CSMD2: variants seen among roughly 807,000 people sequenced by gnomAD.
The protein encoded by CSMD2 is CUB and Sushi multiple domains 2, also known as CUB and sushi domain-containing protein 2.
A neutral mutation model predicts 398.5 loss-of-function variants in CSMD2; 130 were observed. That is an observed-to-expected ratio of 0.33 (90% CI 0.28 to 0.38). The LOEUF is 0.38. CSMD2 is among the 10% of genes least tolerant of loss of function. The probability of loss-of-function intolerance (pLI) is 1.00; values close to 1 mark genes in which losing one functional copy is unlikely to be tolerated. For synonymous variants in CSMD2, 1,828 were observed against 1,908.5 expected (o/e 0.96, Z 1.10); for missense variants, 3,829 against 4,764.9 (o/e 0.80, Z 5.78).
At chr1:33,788,487 AAC>A (rs1653815332) in intron 12 of CSMD2, 111 bp downstream of exon 12, 3 of 638,046 alleles carry the variant, frequency 4.7e-6, no homozygotes, top group Non-Finnish European at 8.2e-6. Flanking sequence ...CAGCCTGGGC[AAC>A]AGAGTGAGAC....
chr1:34,142,016 AC>A (rs1639341040), intron 1 of CSMD2, among the ~76,000 whole-genome samples: 2 of 152,136 alleles, frequency 1.3e-5, no homozygotes, highest in South Asian at 4.1e-4. Flanking sequence ...TTGCACGGTG[AC>A]TGCTCTGATG....
intron 27 of CSMD2, among the ~76,000 whole-genome samples, chr1:33,653,341 CTG>C: frequency 6.6e-6 from 1 of 152,332 alleles, no homozygotes; most frequent in South Asian, 2.1e-4. Flanking sequence ...TGGGTACTGA[CTG>C]TGAGTTCCCG....
At position 33,569,453 on chromosome 1, in the gene CSMD2, G is replaced by A. The variant is rs769904635; in HGVS notation, c.8052C>T (p.Ser2684=). 8.7e-6 allele frequency: 14 copies of A among 1,614,034 alleles called. No homozygotes were observed. Among genetic ancestry groups the A allele is most frequent in the East Asian group, 4.5e-5 (2 of 44,900 alleles). The change falls in exon 52 of 71, where the codon TCC becomes TCT. Residue 2684 remains serine, a synonymous_variant. Transcript: ENST00000373381. ...CCCTGGAGCCCACCAGTGTGTATCC[G>A]GAATTGCAGGAGAAGATGGCTGTTG... ...YGATAIFSCN[S]GYTLVGSRVR...
intron 19 of CSMD2, 22 bp downstream of exon 19, chr1:33,724,175 T>C (rs1343443538): frequency 1.3e-6 from 2 of 1,554,756 alleles, no homozygotes; most frequent in Non-Finnish European, 1.8e-6. Context: ...TCCCAATGCC[T>C]GCTATGGGCT....
In CSMD2 at chr1:33,698,910, G is replaced by A. The variant is rs372875309; in HGVS notation, c.3768C>T (p.Thr1256=). 1 of 1,614,056 alleles carries A rather than the reference G, an allele frequency of 6.2e-7. No individual in the cohort carries two copies. Among genetic ancestry groups the A allele is most frequent in the African/African-American group, 1.3e-5 (1 of 75,040 alleles). The change falls in exon 24 of 71, where the codon ACC becomes ACT. Residue 1256 remains threonine, a synonymous_variant. Transcript: ENST00000373381. ...CATGAACCTTGTAGCCAAACTTGGG[G>A]GTTCCTGGGTCCTCACATTTGATGA... The part of the protein sequence containing the change: ...FELIKCEDPG[T]PKFGYKVHDE...
At chr1:33,783,279 T>C (rs1210527069) in intron 12 of CSMD2, among the ~76,000 whole-genome samples, 1 of 152,090 alleles carries the variant, frequency 6.6e-6, no homozygotes, top group Non-Finnish European at 1.5e-5. Flanking sequence ...CTCCCCCAAA[T>C]TCCTGTATTG....
In CSMD2 at chr1:34,117,960, T is replaced by C. The variant is rs371092468; in HGVS notation, c.188-28767A>G. Among the ~76,000 whole-genome samples the C allele has an allele frequency of 5.3e-5, 8 of 152,214 alleles. No homozygotes were observed. In the East Asian group the frequency reaches 1.2e-3, roughly 22 times the overall value. On this transcript the variant is annotated intron_variant, in intron 1 of 70. Coordinates refer to ENST00000373381, the MANE Select transcript of CSMD2 (RefSeq NM_001281956.2). ...GCGTGGTGGTGGCTCATGCCTGAAA[T>C]TCCAGCACTTTGGGAAGCTGAGGCA...
intron 19 of CSMD2, among the ~76,000 whole-genome samples, chr1:33,719,887 T>C (rs931179640): frequency 6.6e-6 from 1 of 152,170 alleles, no homozygotes; most frequent in Non-Finnish European, 1.5e-5. Flanking sequence ...GGCATTCCCT[T>C]TGCTCAACTC....
chr1:33,925,416 T>C (rs780842978), intron 4 of CSMD2, among the ~76,000 whole-genome samples: 3 of 152,222 alleles, frequency 2.0e-5, no homozygotes, highest in Non-Finnish European at 1.5e-5. Flanking sequence ...TCTGTTTTTA[T>C]ACTAATACCA....
At chr1:33,587,211 CT>C in intron 44 of CSMD2, 43 bp from the exon 45 acceptor site, 1 of 1,365,744 alleles carries the variant, frequency 7.3e-7, no homozygotes, top group South Asian at 1.3e-5. Flanking sequence ...GATCATCATT[CT>C]CCAGGTACAC....
At chr1:34,062,046 A>T (rs911557701) in intron 2 of CSMD2, among the ~76,000 whole-genome samples, 1 of 152,236 alleles carries the variant, frequency 6.6e-6, no homozygotes, top group South Asian at 2.1e-4. Context: ...CTAAGACCCC[A>T]ATGTCATGAG....
chr1:33,963,966 C>A lies in CSMD2; in HGVS notation c.518-28012G>T, dbSNP rs114143094. Among the ~76,000 whole-genome samples, 811 of 152,322 alleles carry A rather than the reference C, an allele frequency of 5.3e-3. 4 individuals are homozygous for A. Among genetic ancestry groups the A allele is most frequent in the African/African-American group, 0.018 (765 of 41,578 alleles). On this transcript the variant is annotated intron_variant, in intron 3 of 70. Coordinates refer to ENST00000373381, the MANE Select transcript of CSMD2 (RefSeq NM_001281956.2). ...TGTCAGATGGCAGATGTGTCTTTAA[C>A]TTTTCAAGAAACTGCCAAGCTGCCA...
intron 67 of CSMD2, among the ~76,000 whole-genome samples, chr1:33,522,350 C>A (rs892367776): frequency 6.6e-6 from 1 of 152,208 alleles, no homozygotes; most frequent in Non-Finnish European, 1.5e-5. Context: ...TCCTCATCTT[C>A]CCCTGGCCTG....
chr1:33,981,440 TAAC>T (rs969521746), intron 3 of CSMD2, among the ~76,000 whole-genome samples: 57 of 152,332 alleles, frequency 3.7e-4, no homozygotes, highest in African/African-American at 1.3e-3. Context: ...AGATTGGTTC[TAAC>T]AACAAGACTC....
intron 3 of CSMD2, among the ~76,000 whole-genome samples, chr1:33,942,404 C>T (rs1375011676): frequency 6.6e-6 from 1 of 152,200 alleles, no homozygotes; most frequent in Non-Finnish European, 1.5e-5. Flanking sequence ...CTAGGTTGGT[C>T]CTGTATATTT....
chr1:34,079,692 C>T (rs1656836453), intron 2 of CSMD2, among the ~76,000 whole-genome samples: 1 of 152,074 alleles, frequency 6.6e-6, no homozygotes, highest in Non-Finnish European at 1.5e-5. Context: ...TCAGTAAGAC[C>T]TACCTAAGAC....
chr1:33,905,226 G>A (rs1269644553), intron 5 of CSMD2, among the ~76,000 whole-genome samples: 1 of 152,126 alleles, frequency 6.6e-6, no homozygotes, highest in African/African-American at 2.4e-5. Flanking sequence ...GTGATTTGTT[G>A]GGGCTAGCTG....
At chr1:33,706,650 C>A (rs1402403878) in intron 22 of CSMD2, among the ~76,000 whole-genome samples, 2 of 152,074 alleles carry the variant, frequency 1.3e-5, no homozygotes, top group Non-Finnish European at 2.9e-5. Context: ...TGGCACACCA[C>A]AACAGAGGGA....
intron 21 of CSMD2, among the ~76,000 whole-genome samples, chr1:33,713,443 T>C (rs1320141182): frequency 6.6e-6 from 1 of 152,194 alleles, no homozygotes; most frequent in Non-Finnish European, 1.5e-5. Context: ...ACAGTGAGCA[T>C]GGAAAATACT....
Sources: gnomAD v4.1 joint callset for allele counts (sites outside exome capture counted in the v4.1 genomes callset) on GRCh38, gnomAD v4.1.1 for gene constraint, MANE v1.5 for transcripts, NCBI Gene and HGNC (gene_info 2026-07-23, HGNC 2026-07-21) for gene names.